NAALADL1: variants seen among roughly 807,000 people sequenced by gnomAD.
The protein encoded by NAALADL1 is aminopeptidase NAALADL1.
Under a neutral mutation model 82.8 loss-of-function variants are expected in NAALADL1, and 77 were observed. That is an observed-to-expected ratio of 0.93 (90% CI 0.77 to 1.12). The LOEUF is 1.12. NAALADL1 is among the 50% of genes most tolerant of loss of function. The probability of loss-of-function intolerance (pLI) is 0.00; values close to 1 mark genes in which losing one functional copy is unlikely to be tolerated. For synonymous variants in NAALADL1, 358 were observed against 399.2 expected (o/e 0.90, Z 1.23); for missense variants, 956 against 964.0 (o/e 0.99, Z 0.11).
Position 65,053,576 on chromosome 11 carries a change from G to C in NAALADL1, c.993C>G (p.Ser331Arg). 1 of 1,593,174 alleles carries C rather than the reference G, an allele frequency of 6.3e-7. No homozygotes were observed. Among genetic ancestry groups the C allele is most frequent in the Non-Finnish European group, 8.6e-7 (1 of 1,167,986 alleles). Reference sequence around the variant, plus strand: ...GGTTGTAGACGCTCACATTCACCTGGCTGGGGAGGGTGAAGGGTGTGAGAA... The same window carrying C: ...GGTTGTAGACGCTCACATTCACCTGCCTGGGGAGGGTGAAGGGTGTGAGAA... Reference protein sequence around the residue: ...FRPDGDFPADSQVNVSVYNRL... With the variant: ...FRPDGDFPADRQVNVSVYNRL... Residue 331 changes from serine (S) to arginine (R), a missense_variant and splice_region_variant, in exon 7 of 18, where the codon AGC becomes AGG. By Grantham distance (110) the Ser-to-Arg change is moderately radical. Coordinates refer to ENST00000358658, the MANE Select transcript of NAALADL1 (RefSeq NM_005468.3). This position sits in a 1 kb window ranked among gnomAD's most constrained non-coding sequence, Gnocchi z 4.3.
Position 65,054,659 on chromosome 11 carries a change from G to C in NAALADL1, c.683C>G (p.Ser228Ter). The change falls in exon 5 of 18, where the codon TCA (serine) becomes TGA (stop). Residue 228 changes from serine (S) to a stop codon, truncating the protein, a stop_gained. Coordinates refer to ENST00000358658, the MANE Select transcript of NAALADL1 (RefSeq NM_005468.3). LOFTEE classifies it high-confidence loss of function. This position sits in a 1 kb window ranked among gnomAD's most constrained non-coding sequence, Gnocchi z 4.3. ...DPADINDGLS[S>*]PDETFPNSWY... ...GGAGTTGGGAAAGGTTTCGTCGGGT[G>C]AGCTCAGCCCATCGTTGATGTCGGC... is the stretch of plus-strand genomic sequence containing the variant. 1 of 1,614,140 alleles carries C rather than the reference G, an allele frequency of 6.2e-7. No homozygotes were observed. The highest frequency in any genetic ancestry group is 1.3e-5 in the African/African-American group (1 of 75,020).
At position 65,053,418 on chromosome 11, in the gene NAALADL1, A is replaced by G. The variant is rs1946945430; in HGVS notation, c.1078+73T>C. 6.2e-7 allele frequency: 1 copy of G among 1,612,436 alleles called. No individual in the cohort carries two copies. The highest frequency in any genetic ancestry group is 2.2e-5 in the East Asian group (1 of 44,858). On this transcript the variant is annotated intron_variant, in intron 7 of 17. Transcript: ENST00000358658. This position sits in a 1 kb window ranked among gnomAD's most constrained non-coding sequence, Gnocchi z 4.3. ...AGCTGGGCTGGGTGGTGGCAAGGGC[A>G]GGGCTGGATGAGGACAGCGGCATCC...
Position 65,047,690 on chromosome 11 carries a change from G to T in NAALADL1, c.1465C>A (p.Arg489=), listed in dbSNP as rs1242353277. Reference sequence around the variant, plus strand: ...ACCGGGCTGCTGCGGTTGAAGTACCGGATCCAGTTGTCGTAGATGCTCAGG... The same window carrying T: ...ACCGGGCTGCTGCGGTTGAAGTACCTGATCCAGTTGTCGTAGATGCTCAGG... ...GDLSIYDNWI[R]YFNRSSPVYG... is the part of the protein sequence containing the mutation. The change falls in exon 12 of 18, where the codon CGG becomes AGG. Residue 489 remains arginine, a synonymous_variant. Coordinates refer to ENST00000358658, the MANE Select transcript of NAALADL1 (RefSeq NM_005468.3). The T allele has an allele frequency of 2.5e-6, 4 of 1,608,276 alleles. No individual in the cohort carries two copies. Among genetic ancestry groups the T allele is most frequent in the South Asian group, 1.1e-5 (1 of 89,240 alleles).
At chr11:65,058,965 A>G (rs991509333), upstream of NAALADL1, among the ~76,000 whole-genome samples, 9 of 151,472 alleles carry the variant, frequency 5.9e-5, no homozygotes, top group South Asian at 2.1e-4. Context: ...TTCTTGCTGG[A>G]CGTAAGCTGT....
intron 13 of NAALADL1, 43 bp downstream of exon 13, chr11:65,047,432 T>G: frequency 6.6e-7 from 1 of 1,508,698 alleles, no homozygotes; most frequent in East Asian, 2.5e-5. Context: ...AGGGGGCGCA[T>G]GCAGCAAGGT....
At chr11:65,059,301 C>T (rs142449400), upstream of NAALADL1, among the ~76,000 whole-genome samples, 11 of 152,294 alleles carry the variant, frequency 7.2e-5, no homozygotes, top group Admixed American at 2.0e-4. Context: ...AGTGAGCCAC[C>T]GTGCCGGCTA....
intron 17 of NAALADL1, 24 bp downstream of exon 17, chr11:65,045,798 C>G: frequency 6.2e-7 from 1 of 1,610,104 alleles, no homozygotes. Flanking sequence ...GGAGGCACCT[C>G]CCAGGACTCT....
intron 12 of NAALADL1, 37 bp from the exon 13 acceptor site, chr11:65,047,602 G>A (rs1012203591): frequency 3.8e-6 from 6 of 1,579,170 alleles, no homozygotes; most frequent in African/African-American, 2.7e-5. Context: ...AAGAGCGCTG[G>A]GCCGGACCGC....
In NAALADL1 at chr11:65,047,465, G is replaced by A. The variant is rs1469056916; in HGVS notation, c.1599+10C>T. On this transcript the variant is annotated intron_variant, in intron 13 of 17. Coordinates refer to ENST00000358658, the MANE Select transcript of NAALADL1 (RefSeq NM_005468.3). Reference sequence around the variant, plus strand: ...GGTACCGAGGCAGGGACGGAGGGGCGCCTGCTCACCCGGTCATAGGTATAG... The same window carrying A: ...GGTACCGAGGCAGGGACGGAGGGGCACCTGCTCACCCGGTCATAGGTATAG... 10 of 1,555,364 alleles carry A rather than the reference G, an allele frequency of 6.4e-6. No homozygotes were observed. Among genetic ancestry groups the A allele is most frequent in the East Asian group, 2.4e-5 (1 of 41,396 alleles).
intron 8 of NAALADL1, among the ~76,000 whole-genome samples, chr11:65,051,674 G>T (rs116448925): frequency 1.3e-5 from 2 of 151,996 alleles, no homozygotes; most frequent in South Asian, 2.1e-4. Context: ...TCATACAAGG[G>T]GGGGGATGGA....
chr11:65,046,641 G>A, intron 13 of NAALADL1, 115 bp from the exon 14 acceptor site: 1 of 1,026,552 alleles, frequency 9.7e-7, no homozygotes. Context: ...CCATGTCTGT[G>A]AGGTGGCTTC....
At position 65,048,207 on chromosome 11, in the gene NAALADL1, G is replaced by T. The variant is rs1195799955; in HGVS notation, c.1293C>A (p.Phe431Leu). Reference protein sequence around the residue: ...IGSTEFTEEFFNKLQERTVAY... With the variant: ...IGSTEFTEEFLNKLQERTVAY... ...CCACCGTGCGCTCCTGCAGCTTGTT[G>T]AAGAACTCCTGCGGGTGCGAGGGGC... Residue 431 changes from phenylalanine (F) to leucine (L), a missense_variant, in exon 10 of 18, where the codon TTC (phenylalanine) becomes TTA (leucine). Coordinates refer to ENST00000358658, the MANE Select transcript of NAALADL1 (RefSeq NM_005468.3). The T allele has an allele frequency of 6.2e-7, 1 of 1,613,810 alleles. No homozygotes were observed. The highest frequency in any genetic ancestry group is 1.1e-5 in the South Asian group (1 of 91,052).
Position 65,053,525 on chromosome 11 carries a change from G to A in NAALADL1, c.1044C>T (p.Asn348=), listed in dbSNP as rs142923972. The part of the protein sequence containing the change: ...YNRLELRNSS[N]VLGIIRGAVE... ...CAGCCCCACGGATGATGCCCAGGAC[G>A]TTGGAAGAGTTCCTCAGCTCCAGGC... The change falls in exon 7 of 18, where the codon AAC becomes AAT. Residue 348 remains asparagine (N), a synonymous_variant. Coordinates refer to ENST00000358658, the MANE Select transcript of NAALADL1 (RefSeq NM_005468.3). This position sits in a 1 kb window ranked among gnomAD's most constrained non-coding sequence, Gnocchi z 4.3. The A allele has an allele frequency of 3.9e-4, 636 of 1,613,376 alleles. 5 individuals are homozygous for A. In the South Asian group the frequency reaches 6.1e-3, roughly 15 times the overall value.
intron 8 of NAALADL1, among the ~76,000 whole-genome samples, chr11:65,052,360 C>T (rs1425301101): frequency 1.3e-5 from 2 of 152,056 alleles, no homozygotes; most frequent in African/African-American, 2.4e-5. Flanking sequence ...ATTCTCCCGG[C>T]TGGAGTGCAG....
Position 65,047,998 on chromosome 11 carries a change from AGAC to A in NAALADL1, c.1396_1398del (p.Val466del). ...CCTTCCACCTCTTTGGTTGCAGAGA[AGAC>A]GACGCTCTGGACAGGGGGCGTCCCC... On this transcript the variant is annotated inframe_deletion, in exon 11 of 18. Transcript: ENST00000358658. 6.2e-7 allele frequency: 1 copy of A among 1,612,398 alleles called. No individual in the cohort carries two copies. The highest frequency in any genetic ancestry group is 8.5e-7 in the Non-Finnish European group (1 of 1,179,264).
chr11:65,057,578 G>A, intron 3 of NAALADL1, 85 bp from the exon 4 acceptor site: 1 of 1,500,712 alleles, frequency 6.7e-7, no homozygotes, highest in Non-Finnish European at 8.9e-7. Flanking sequence ...ATGGCAGGAG[G>A]GAGAATTTAG....
rs779597575 is a variant in NAALADL1, at chr11:65,057,446, C to T, written c.528G>A (p.Glu176=). 8 of 1,614,212 alleles carry T rather than the reference C, an allele frequency of 5.0e-6. No homozygotes were observed. The highest frequency in any genetic ancestry group is 6.8e-6 in the Non-Finnish European group (8 of 1,180,014). Residue 176 remains glutamate (E), a synonymous_variant, in exon 4 of 18, where the codon GAG becomes GAA. Coordinates refer to ENST00000358658, the MANE Select transcript of NAALADL1 (RefSeq NM_005468.3). ...ANRGAEEDFK[E]LQTQGIKLEG... is the part of the protein sequence containing the mutation. ...CAAGTTTGATGCCCTGAGTCTGTAG[C>T]TCCTTAAAGTCTTCTTCCGCGCCCC...
chr11:65,046,055 T>C lies in NAALADL1; in HGVS notation c.1915A>G (p.Ile639Val), dbSNP rs767036154. The stretch of plus-strand genomic sequence containing the variant: ...GGGCTGCCCTTCTGCAGTGTTGATA[T>C]GCGTTGGCCCAAGGCTGCAGCTTCT... Reference protein sequence around the residue: ...EAEAAALGQRISTLQKGSPDP... With the variant: ...EAEAAALGQRVSTLQKGSPDP... The change falls in exon 16 of 18, where the codon ATA becomes GTA. Residue 639 changes from isoleucine to valine, a missense_variant. Ile to Val is a conservative substitution (Grantham distance 29). Coordinates refer to ENST00000358658, the MANE Select transcript of NAALADL1 (RefSeq NM_005468.3). 1 of 1,614,052 alleles carries C rather than the reference T, an allele frequency of 6.2e-7. No individual in the cohort carries two copies. The highest frequency in any genetic ancestry group is 8.5e-7 in the Non-Finnish European group (1 of 1,180,006).
At position 65,046,614 on chromosome 11, in the gene NAALADL1, T is replaced by C. The variant is rs896518617; in HGVS notation, c.1600-88A>G. The C allele has an allele frequency of 1.2e-5, 16 of 1,308,798 alleles. No homozygotes were observed. The African/African-American group carries it at 1.7e-4, about 14-fold the overall frequency. The allele number at this position is 1,308,798 out of a possible 1,614,324, so 81.1% of individuals were successfully genotyped here. ...AGTGAGCTGCAAAATGTGGGCATTA[T>C]CTCCACTGAATCTTGGCCATGTCTG... On this transcript the variant is annotated intron_variant, in intron 13 of 17. Transcript: ENST00000358658.
Sources: gnomAD v4.1 joint callset for allele counts (sites outside exome capture counted in the v4.1 genomes callset) on GRCh38, gnomAD v4.1.1 for gene constraint, Gnocchi (gnomAD v3.1) non-coding constraint, MANE v1.5 for transcripts, NCBI Gene and HGNC (gene_info 2026-07-23, HGNC 2026-07-21) for gene names.